The following MELTF variants were observed in gnomAD, a reference collection of about 807,000 sequenced individuals.
MELTF encodes antigen p97 (melanoma associated) identified by monoclonal antibodies 133.2 and 96.5.
Under a neutral mutation model 83.7 loss-of-function variants are expected in MELTF, and 67 were observed. The ratio of observed to expected loss-of-function variants is 0.80; its 90% CI spans 0.66 to 0.98. The LOEUF (loss-of-function observed/expected upper bound fraction) is 0.98, where lower values mean the gene tolerates loss of function less well. MELTF is among the 50% of genes least tolerant of loss of function. The pLI is 0.00. For synonymous variants in MELTF, 462 were observed against 447.6 expected, an observed-to-expected ratio of 1.03 and a Z score of -0.41; for missense variants, 1,002 against 1,035.6, an observed-to-expected ratio of 0.97 and a Z score of 0.44.
In MELTF at chr3:197,003,824, C is replaced by T; in HGVS notation, c.2137+77G>A. ...CACCCGCCTCCCCGGACCCGCAGCG[C>T]CCCCCGCTCCCTCAGGGTTCTGGGG... On this transcript the variant is annotated intron_variant, in intron 15 of 15. Transcript: ENST00000296350. The surrounding 1 kb of genome is among the most constrained non-coding windows in gnomAD (Gnocchi z 6.2). 1 of 1,478,982 alleles carries T rather than the reference C, an allele frequency of 6.8e-7. No homozygotes were observed. Among genetic ancestry groups the T allele is most frequent in the Non-Finnish European group, 9.2e-7 (1 of 1,086,194 alleles). The allele number at this position is 1,478,982 out of a possible 1,614,324, so 91.6% of individuals were successfully genotyped here.
At chr3:197,015,812 A>C (rs553228783) in intron 8 of MELTF, among the ~76,000 whole-genome samples, 1 of 152,266 alleles carries the variant, frequency 6.6e-6, no homozygotes, top group East Asian at 1.9e-4. Flanking sequence ...CTACTGCAAT[A>C]GTCCAGGCGA....
At chr3:197,016,922 G>A (rs1245398578) in intron 7 of MELTF, among the ~76,000 whole-genome samples, 181 bp downstream of exon 7, 1 of 152,128 alleles carries the variant, frequency 6.6e-6, no homozygotes, top group Non-Finnish European at 1.5e-5. Flanking sequence ...CCCTCTCCTG[G>A]CCAGCCCTCC....
Position 197,017,156 on chromosome 3 carries a change from C to G in MELTF, c.847G>C (p.Val283Leu). 6.2e-7 allele frequency: 1 copy of G among 1,611,742 alleles called. No homozygotes were observed. The highest frequency in any genetic ancestry group is 8.5e-7 in the Non-Finnish European group (1 of 1,179,544). Residue 283 changes from valine (V) to leucine (L), a missense_variant, in exon 7 of 16, where the codon GTC (valine) becomes CTC (leucine). Transcript: ENST00000296350. ...AGGCCCCCATCTGTGTCGGCCCGGA[C>G]CACCACGGCGTGAGCAGGCACCCGG... ...LARVPAHAVV[V>L]RADTDGGLIF... is the part of the protein sequence containing the mutation.
chr3:197,013,044 A>C (rs941568143), intron 9 of MELTF, among the ~76,000 whole-genome samples: 20 of 152,352 alleles, frequency 1.3e-4, no homozygotes, highest in Admixed American at 3.3e-4. Context: ...CCCTATGAAA[A>C]TTCCAATGAC....
chr3:197,025,165 A>T (rs1719802003), intron 3 of MELTF, among the ~76,000 whole-genome samples: 1 of 152,264 alleles, frequency 6.6e-6, no homozygotes. Flanking sequence ...CAGCTGTGGG[A>T]ACTGATGCCC....
In MELTF at chr3:197,023,001, G is replaced by A. The variant is rs781555290; in HGVS notation, c.600C>T (p.Asp200=). Residue 200 remains aspartate (D), a synonymous_variant, in exon 5 of 16, where the codon GAC becomes GAT. Transcript: ENST00000296350. Reference sequence around the variant, plus strand: ...CGTAGTATCTCTCCAGGGGGCTCTTGTCACACACCCCTTCCCCAGAGCTGT... The same window carrying A: ...CGTAGTATCTCTCCAGGGGGCTCTTATCACACACCCCTTCCCCAGAGCTGT... ...RGDSSGEGVC[D]KSPLERYYDY... is the part of the protein sequence containing the mutation. 2.7e-5 allele frequency: 43 copies of A among 1,613,550 alleles called. No homozygotes were observed. The highest frequency in any genetic ancestry group is 3.6e-5 in the Non-Finnish European group (42 of 1,179,972).
intron 3 of MELTF, among the ~76,000 whole-genome samples, chr3:197,025,125 C>T (rs1354670798): frequency 6.6e-6 from 1 of 152,224 alleles, no homozygotes; most frequent in Non-Finnish European, 1.5e-5. Context: ...CAAGGTGGCT[C>T]CAAGGGGCTG....
chr3:197,027,087 C>A, intron 2 of MELTF: 1 of 323,324 alleles, frequency 3.1e-6, no homozygotes, highest in Admixed American at 4.2e-5. Flanking sequence ...CACCCTGCGC[C>A]TCTACTGCTA....
intron 3 of MELTF, among the ~76,000 whole-genome samples, chr3:197,025,352 CCT>C (rs1719810551): frequency 1.3e-5 from 2 of 152,238 alleles, no homozygotes; most frequent in Admixed American, 6.5e-5. Context: ...CTGGTACCAT[CCT>C]CTGACTCACC....
chr3:197,009,542 C>A, intron 11 of MELTF, 76 bp downstream of exon 11: 1 of 1,456,898 alleles, frequency 6.9e-7, no homozygotes, highest in Non-Finnish European at 9.4e-7. Flanking sequence ...AAGGTCCTCT[C>A]CCCAACAGGC....
intron 11 of MELTF, 97 bp downstream of exon 11, chr3:197,009,521 C>T: frequency 2.4e-6 from 3 of 1,267,620 alleles, no homozygotes; most frequent in Non-Finnish European, 3.3e-6. Context: ...GAAGCCTGGC[C>T]ACCTTCCAAC....
intron 3 of MELTF, among the ~76,000 whole-genome samples, chr3:197,025,367 C>T (rs553772562): frequency 7.9e-5 from 12 of 152,238 alleles, no homozygotes; most frequent in Non-Finnish European, 1.6e-4. Context: ...GACTCACCCG[C>T]CTTGTTTCTT....
At position 197,017,151 on chromosome 3, in the gene MELTF, C is replaced by T. The variant is rs553365769; in HGVS notation, c.852G>A (p.Arg284=). ...ARVPAHAVVV[R]ADTDGGLIFR... is the part of the protein sequence containing the mutation. ...AGATGAGGCCCCCATCTGTGTCGGC[C>T]CGGACCACCACGGCGTGAGCAGGCA... is the stretch of plus-strand genomic sequence containing the variant. Residue 284 remains arginine, a synonymous_variant, in exon 7 of 16, where the codon CGG becomes CGA. Coordinates refer to ENST00000296350, the MANE Select transcript of MELTF (RefSeq NM_005929.6). 9 of 1,612,000 alleles carry T rather than the reference C, an allele frequency of 5.6e-6. No homozygotes were observed. Among genetic ancestry groups the T allele is most frequent in the African/African-American group, 2.7e-5 (2 of 75,048 alleles).
chr3:197,020,956 G>A (rs373842120), intron 6 of MELTF, among the ~76,000 whole-genome samples: 1 of 152,136 alleles, frequency 6.6e-6, no homozygotes, highest in Admixed American at 6.5e-5. Context: ...ATGAGCCACC[G>A]TGCCCAGCCT....
chr3:197,029,540 C>T lies in MELTF; in HGVS notation c.49+114G>A. The T allele has an allele frequency of 1.2e-6, 1 of 864,808 alleles. No individual in the cohort carries two copies. Among genetic ancestry groups the T allele is most frequent in the Non-Finnish European group, 1.5e-6 (1 of 653,244 alleles). The allele number at this position is 864,808 out of a possible 1,614,324, so 53.6% of individuals were successfully genotyped here. ...GACCCCGAGCCCCTGCCTCCCCCGT[C>T]TCACTGCCCCGGAGCCGCAGGCTCA... On this transcript the variant is annotated intron_variant, in intron 1 of 15. Transcript: ENST00000296350. The surrounding 1 kb of genome is among the most constrained non-coding windows in gnomAD (Gnocchi z 6.5).
chr3:197,029,608 GCCCCGGGAC>G lies in MELTF; in HGVS notation c.49+37_49+45del. The G allele has an allele frequency of 8.1e-7, 1 of 1,234,872 alleles. No homozygotes were observed. Among genetic ancestry groups the G allele is most frequent in the Non-Finnish European group, 1.0e-6 (1 of 987,900 alleles). The allele number at this position is 1,234,872 out of a possible 1,614,324, so 76.5% of individuals were successfully genotyped here. A position where few individuals can be genotyped will look rare whatever the true frequency, so the allele number is the denominator to read the frequency against. ...GGGACCTGCTCAGCCGGGCCGCGGC[GCCCCGGGAC>G]CCCCGCCCGCCTTTGGCTCTCACAG... On this transcript the variant is annotated intron_variant, in intron 1 of 15. Coordinates refer to ENST00000296350, the MANE Select transcript of MELTF (RefSeq NM_005929.6). This position sits in a 1 kb window ranked among gnomAD's most constrained non-coding sequence, Gnocchi z 6.5.
At position 197,008,852 on chromosome 3, in the gene MELTF, CCA is replaced by C. The variant is rs1261735397; in HGVS notation, c.1637_1638del (p.Val546GlyfsTer23). Reference sequence around the variant, plus strand: ...CCGTAATACCGCTCCTGGCTGTTGCCCACACACTTGTTGCGGCCCTGCTCGTC... The same window carrying C: ...CCGTAATACCGCTCCTGGCTGTTGCCCACACTTGTTGCGGCCCTGCTCGTC... ...VGDEQGRNKC[V>X]GNSQERYYGY... On this transcript the variant is annotated frameshift_variant, in exon 12 of 16. Transcript: ENST00000296350. LOFTEE classifies it high-confidence loss of function. This position sits in a 1 kb window ranked among gnomAD's most constrained non-coding sequence, Gnocchi z 5.4. 23 of 1,614,072 alleles carry C rather than the reference CCA, an allele frequency of 1.4e-5. No homozygotes were observed. Among genetic ancestry groups the C allele is most frequent in the Non-Finnish European group, 1.9e-5 (23 of 1,180,042 alleles).
At position 197,024,384 on chromosome 3, in the gene MELTF, G is replaced by A. The variant is rs1466792409; in HGVS notation, c.406C>T (p.Arg136Cys). The A allele has an allele frequency of 1.7e-5, 28 of 1,610,500 alleles. No individual in the cohort carries two copies. The highest frequency in any genetic ancestry group is 1.7e-5 in the Non-Finnish European group (20 of 1,178,352). ...ACGGGCACGTTCCAGCCCACTGTGC[G>A]ATTGATGCCCGTGTGGCAGGACTTC... ...GVKSCHTGIN[R>C]TVGWNVPVGY... The change falls in exon 4 of 16, where the codon CGC becomes TGC. Residue 136 changes from arginine (R) to cysteine (C), a missense_variant. Coordinates refer to ENST00000296350, the MANE Select transcript of MELTF (RefSeq NM_005929.6). The surrounding 1 kb of genome is among the most constrained non-coding windows in gnomAD (Gnocchi z 5.3).
In MELTF at chr3:197,024,248, C is replaced by A. The variant is rs1719754826; in HGVS notation, c.487+55G>T. 7 of 1,503,710 alleles carry A rather than the reference C, an allele frequency of 4.7e-6. No individual in the cohort carries two copies. In the South Asian group the frequency reaches 7.9e-5, roughly 17 times the overall value. 93.1% of individuals were successfully genotyped at this position (1,503,710 alleles called of 1,614,324 possible). A position where few individuals can be genotyped will look rare whatever the true frequency, so the allele number is the denominator to read the frequency against. On this transcript the variant is annotated intron_variant, in intron 4 of 15. Coordinates refer to ENST00000296350, the MANE Select transcript of MELTF (RefSeq NM_005929.6). The surrounding 1 kb of genome is among the most constrained non-coding windows in gnomAD (Gnocchi z 5.3). Reference sequence around the variant, plus strand: ...TACCCAGTGAAGGGACGAGCATGGGCCAAGGAAAGGAGGGGGAGGCCTGGG... The same window carrying A: ...TACCCAGTGAAGGGACGAGCATGGGACAAGGAAAGGAGGGGGAGGCCTGGG...
Sources: allele counts gnomAD v4.1 joint callset (sites outside exome capture counted in the v4.1 genomes callset), GRCh38; gene constraint gnomAD v4.1.1; non-coding constraint Gnocchi (gnomAD v3.1); transcripts MANE v1.5; gene names NCBI Gene and HGNC (gene_info 2026-07-23, HGNC 2026-07-21).